The following RARB variants were observed in gnomAD, a reference collection of about 807,000 sequenced individuals.
The protein encoded by RARB is retinoic acid receptor beta.
Under a neutral mutation model 51.9 loss-of-function variants are expected in RARB, and 17 were observed. The ratio of observed to expected loss-of-function variants is 0.33; its 90% CI spans 0.22 to 0.49. The LOEUF (loss-of-function observed/expected upper bound fraction) is 0.49. Among genes scored for constraint, RARB ranks in the 20% least tolerant of loss-of-function variants. RARB has a pLI of 0.99. For synonymous variants in RARB, 215 were observed against 195.4 expected (o/e 1.10, Z -0.84); for missense variants, 369 against 550.8 (o/e 0.67, Z 3.30).
intron 2 of RARB, among the ~76,000 whole-genome samples, chr3:24,927,526 C>G (rs17015478): frequency 0.045 from 6,871 of 151,990 alleles, 490 homozygotes; most frequent in African/African-American, 0.15. Context: ...AATTATCAGG[C>G]CTTAAAAATT....
Position 25,413,959 on chromosome 3 carries a change from C to T in RARB, c.179-47234C>T, listed in dbSNP as rs191765882. Reference sequence around the variant, plus strand: ...AGTGTAAAATGTGTAAGTTTTGATGCGCACGTATACCTGTGAAACCATTAC... The same window carrying T: ...AGTGTAAAATGTGTAAGTTTTGATGTGCACGTATACCTGTGAAACCATTAC... On this transcript the variant is annotated intron_variant, in intron 5 of 11. Coordinates refer to the RARB transcript ENST00000383772. Among the ~76,000 whole-genome samples, 428 of 152,180 alleles carry T rather than the reference C, an allele frequency of 2.8e-3. 1 individual carries two copies. Among genetic ancestry groups the T allele is most frequent in the Non-Finnish European group, 4.0e-3 (272 of 68,022 alleles).
At chr3:25,483,169 T>A (rs939857372) in intron 2 of RARB, among the ~76,000 whole-genome samples, 2 of 152,134 alleles carry the variant, frequency 1.3e-5, no homozygotes, top group Non-Finnish European at 1.5e-5. Flanking sequence ...CAAACAGACA[T>A]GGAGCGAGAG....
chr3:25,013,500 C>A (rs1189529082), intron 2 of RARB, among the ~76,000 whole-genome samples: 2 of 152,226 alleles, frequency 1.3e-5, no homozygotes, highest in East Asian at 3.9e-4. Flanking sequence ...TTTCAGTCAT[C>A]CTGCCATGAA....
At chr3:25,431,852 C>T (rs1273750633) in intron 1 of RARB, among the ~76,000 whole-genome samples, 1 of 152,112 alleles carries the variant, frequency 6.6e-6, no homozygotes, top group Non-Finnish European at 1.5e-5. Flanking sequence ...CTTTTCAAAG[C>T]CCTGGGACCC....
At chr3:25,219,995 C>A (rs1404935600) in intron 5 of RARB, among the ~76,000 whole-genome samples, 1 of 152,096 alleles carries the variant, frequency 6.6e-6, no homozygotes, top group Non-Finnish European at 1.5e-5. Context: ...GAGTTTAATT[C>A]CTTTTGTTCT....
At chr3:25,382,230 T>C (rs1706649419) in intron 5 of RARB, among the ~76,000 whole-genome samples, 1 of 152,194 alleles carries the variant, frequency 6.6e-6, no homozygotes, top group Admixed American at 6.5e-5. Context: ...CAAATGTAGA[T>C]TTAAACATGA....
At chr3:25,207,772 T>C (rs1249914746) in intron 5 of RARB, among the ~76,000 whole-genome samples, 2 of 152,172 alleles carry the variant, frequency 1.3e-5, no homozygotes, top group Non-Finnish European at 2.9e-5. Context: ...ACGAATGCAA[T>C]TAAGACTCTT....
chr3:24,953,778 C>A (rs1695950133), intron 2 of RARB, among the ~76,000 whole-genome samples: 1 of 152,150 alleles, frequency 6.6e-6, no homozygotes, highest in African/African-American at 2.4e-5. Context: ...CCCTACTCTT[C>A]CAAAGCTTTT....
intron 5 of RARB, among the ~76,000 whole-genome samples, chr3:25,350,526 C>A (rs897130779): frequency 2.6e-5 from 4 of 152,196 alleles, no homozygotes; most frequent in Admixed American, 1.3e-4. Flanking sequence ...CTCCCCTTAT[C>A]CTGCCTCCTT....
At chr3:25,364,322 CA>C (rs1316884261) in intron 5 of RARB, among the ~76,000 whole-genome samples, 2 of 151,550 alleles carry the variant, frequency 1.3e-5, no homozygotes, top group South Asian at 2.1e-4. Flanking sequence ...GGGGTTACTC[CA>C]AAAAAAATGG....
chr3:25,456,753 T>C (rs1478167068), intron 1 of RARB, among the ~76,000 whole-genome samples: 8 of 148,108 alleles, frequency 5.4e-5, no homozygotes, highest in African/African-American at 2.0e-4. Flanking sequence ...AGTGGGAAAA[T>C]TTTTCCAAAG....
At chr3:25,350,252 AGCAACC>A (rs1705521265) in intron 5 of RARB, among the ~76,000 whole-genome samples, 1 of 152,086 alleles carries the variant, frequency 6.6e-6, no homozygotes, top group Non-Finnish European at 1.5e-5. Flanking sequence ...AGCCCACCAA[AGCAACC>A]GCCTACTGAA....
intron 2 of RARB, among the ~76,000 whole-genome samples, chr3:24,908,358 A>G (rs1030824984): frequency 6.6e-6 from 1 of 152,118 alleles, no homozygotes; most frequent in Non-Finnish European, 1.5e-5. Flanking sequence ...TACCAGTAGA[A>G]TCTACACTAG....
rs1161551063 is a variant in RARB, at chr3:25,596,924, TG to T, written c.*310del. 2 of 233,994 alleles carry T rather than the reference TG, an allele frequency of 8.5e-6. No homozygotes were observed. Among genetic ancestry groups the T allele is most frequent in the African/African-American group, 4.5e-5 (2 of 44,582 alleles). 14.5% of individuals were successfully genotyped at this position (233,994 alleles called of 1,614,324 possible). ...AGACCCAGTCAAAATGATTTACCCC[TG>T]GTTAAGTTTCTGAAGACTTTGTACA... On this transcript the variant is annotated 3_prime_UTR_variant, in exon 8 of 8. Coordinates refer to ENST00000330688, the MANE Select transcript of RARB (RefSeq NM_000965.5).
chr3:25,399,224 A>G (rs1463128894), intron 5 of RARB, among the ~76,000 whole-genome samples: 1 of 152,190 alleles, frequency 6.6e-6, no homozygotes, highest in East Asian at 1.9e-4. Flanking sequence ...CTTTCCCCTG[A>G]CTTCAGTTAA....
intron 2 of RARB, among the ~76,000 whole-genome samples, chr3:25,022,888 A>T (rs1575123024): frequency 6.6e-6 from 1 of 152,178 alleles, no homozygotes; most frequent in South Asian, 2.1e-4. Flanking sequence ...ATATGTCAGG[A>T]GTGGCCTGAT....
intron 2 of RARB, among the ~76,000 whole-genome samples, chr3:25,035,641 C>A (rs181223639): frequency 1.4e-4 from 21 of 152,274 alleles, no homozygotes; most frequent in African/African-American, 4.6e-4. Context: ...CAGCAGCCAG[C>A]AGACTTTTTT....
intron 3 of RARB, among the ~76,000 whole-genome samples, chr3:25,083,281 A>C (rs1699044166): frequency 6.6e-6 from 1 of 152,122 alleles, no homozygotes; most frequent in Non-Finnish European, 1.5e-5. Context: ...GGGGATCCTA[A>C]TTGCATGTAT....
At chr3:25,120,475 C>T (rs1208127773) in intron 3 of RARB, among the ~76,000 whole-genome samples, 4 of 151,494 alleles carry the variant, frequency 2.6e-5, no homozygotes, top group Non-Finnish European at 4.4e-5. Context: ...ATGTAAAACA[C>T]TGTATGGGTC....
Sources: gnomAD v4.1 joint callset for allele counts (sites outside exome capture counted in the v4.1 genomes callset) on GRCh38, gnomAD v4.1.1 for gene constraint, MANE v1.5 for transcripts, NCBI Gene and HGNC (gene_info 2026-07-23, HGNC 2026-07-21) for gene names.